Variants in CLCN5 observed in about 807,000 individuals in gnomAD.
CLCN5 encodes the protein Cl-/H+ antiporter 5, also known as H(+)/Cl(-) exchange transporter 5.
A neutral mutation model predicts 54.0 loss-of-function variants in CLCN5; 17 were observed. That is an observed-to-expected ratio of 0.31 (90% CI 0.22 to 0.47). The LOEUF is 0.47. Among genes scored for constraint, CLCN5 ranks in the 20% least tolerant of loss-of-function variants. The pLI is 1.00. For missense variants in CLCN5, 448 were observed against 646.7 expected, an observed-to-expected ratio of 0.69 and a Z score of 3.33; for synonymous variants, 222 against 233.0, an observed-to-expected ratio of 0.95 and a Z score of 0.43.
rs782438921 is a variant in CLCN5 at position 49,969,802 on chromosome X, A to G, written c.16+44488A>G. Among the ~76,000 whole-genome samples the G allele has an allele frequency of 5.4e-5, 6 of 111,974 alleles. No homozygotes were observed. The South Asian group carries it at 1.9e-3, about 35-fold the overall frequency. On this transcript the variant is annotated intron_variant, in intron 3 of 14. Transcript: ENST00000376091. ...GTCAAATTGTTTGCCAGTATTTTTTAAAGTCTTCTATATCCTGATTTTCTT... is the reference window on the plus strand; with the variant it reads ...GTCAAATTGTTTGCCAGTATTTTTTGAAGTCTTCTATATCCTGATTTTCTT...
intron 3 of CLCN5, among the ~76,000 whole-genome samples, chrX:50,011,104 G>A (rs1268351538): frequency 9.0e-6 from 1 of 111,602 alleles, no homozygotes; most frequent in African/African-American, 3.3e-5. Flanking sequence ...TCCTCACAGA[G>A]TGGTCCCTCT....
At chrX:50,056,260 G>A (rs1602094239) in intron 4 of CLCN5, among the ~76,000 whole-genome samples, 2 of 110,544 alleles carry the variant, frequency 1.8e-5, no homozygotes, top group African/African-American at 6.6e-5. Flanking sequence ...CTGGAGAATT[G>A]CTGCTTCTAA....
At chrX:50,063,374 C>G (rs782616171) in intron 4 of CLCN5, among the ~76,000 whole-genome samples, 1 of 105,918 alleles carries the variant, frequency 9.4e-6, no homozygotes, top group African/African-American at 3.7e-5. Context: ...GAGAATACTA[C>G]AAACACCTCT....
In CLCN5 at chrX:50,075,963, T is replaced by G. The variant is rs782508428; in HGVS notation, c.584T>G (p.Leu195Arg). ...KCPEWNSWSQ[L>R]IISTDEGAFA... ...CCAGAGTGGAATAGTTGGTCCCAGC[T>G]TATCATCAGCACAGATGAGGTAACA... Residue 195 changes from leucine (L) to arginine (R), a missense_variant, in exon 7 of 15, where the codon CTT becomes CGT. By Grantham distance (102) the Leu-to-Arg change is moderately radical. Transcript: ENST00000376091. The G allele has an allele frequency of 5.3e-5, 64 of 1,208,426 alleles. No individual in the cohort carries two copies. Among genetic ancestry groups the G allele is most frequent in the Non-Finnish European group, 6.2e-5 (55 of 893,325 alleles).
intron 3 of CLCN5, among the ~76,000 whole-genome samples, chrX:49,969,326 C>T (rs979145153): frequency 2.7e-5 from 3 of 112,256 alleles, no homozygotes; most frequent in South Asian, 3.7e-4. Context: ...GATCTGCCTG[C>T]CTCAGCCTCC....
chrX:50,032,515 C>T (rs1557185982), intron 3 of CLCN5, among the ~76,000 whole-genome samples: 1 of 110,060 alleles, frequency 9.1e-6, no homozygotes, highest in African/African-American at 3.4e-5. Context: ...GCATAAATGT[C>T]TTCTTTTGAG....
rs368492540 is a variant in CLCN5, at chrX:50,026,404, C to T, written c.17-15912C>T. On this transcript the variant is annotated intron_variant, in intron 3 of 14. Coordinates refer to ENST00000376091, the MANE Select transcript of CLCN5 (RefSeq NM_001127898.4). ...GATCTAGTTGATGGATGATGCTGTT[C>T]GGTTTACCTGTGTCTTTACTGATCT... Among the ~76,000 whole-genome samples, 24 of 111,403 alleles carry T rather than the reference C, an allele frequency of 2.2e-4. No homozygotes were observed. In the East Asian group the frequency reaches 3.1e-3, roughly 14 times the overall value.
chrX:50,079,434 C>G (rs933290229), intron 7 of CLCN5, among the ~76,000 whole-genome samples: 14 of 111,942 alleles, frequency 1.3e-4, no homozygotes, highest in Non-Finnish European at 7.5e-5. Context: ...AATATTTCTA[C>G]CAGCAAGCAT....
chrX:49,983,185 A>T (rs782009493), intron 3 of CLCN5, among the ~76,000 whole-genome samples: 4 of 112,059 alleles, frequency 3.6e-5, no homozygotes, highest in Non-Finnish European at 7.5e-5. Context: ...CATCTTTTGT[A>T]CAAGATGGAA....
chrX:49,974,125 A>G (rs1470151044), intron 3 of CLCN5, among the ~76,000 whole-genome samples: 1 of 112,145 alleles, frequency 8.9e-6, no homozygotes, highest in African/African-American at 3.2e-5. Flanking sequence ...ATGGATAGAC[A>G]GCATTTTGTT....
At chrX:50,090,544 T>G in intron 13 of CLCN5, 30 bp downstream of exon 13, 1 of 1,188,913 alleles carries the variant, frequency 8.4e-7, no homozygotes, top group Non-Finnish European at 1.1e-6. Context: ...GATAGTGGAA[T>G]CCACTGTGGA....
chrX:50,051,377 T>A (rs1422534731), intron 4 of CLCN5, among the ~76,000 whole-genome samples: 1 of 112,328 alleles, frequency 8.9e-6, no homozygotes, highest in Non-Finnish European at 1.9e-5. Flanking sequence ...TCTCTTCGTC[T>A]ATGCATCTTT....
chrX:50,078,978 A>G (rs1290067708), intron 7 of CLCN5, among the ~76,000 whole-genome samples: 1 of 111,101 alleles, frequency 9.0e-6, no homozygotes, highest in Non-Finnish European at 1.9e-5. Context: ...ACCCGCTACC[A>G]CGCCCGGCTA....
rs1323170329 is a variant in CLCN5 at position 49,977,493 on chromosome X, G to T, written c.16+52179G>T. 2.7e-5 allele frequency among the ~76,000 whole-genome samples: 3 copies of T among 111,263 alleles called. No individual in the cohort carries two copies. In the Admixed American group the frequency reaches 2.9e-4, roughly 11 times the overall value. ...TGACATCAAATAAGTGTCTGGAGGG[G>T]AATTCTAAACCCTGGTATGTTTCCC... On this transcript the variant is annotated intron_variant, in intron 3 of 14. Transcript: ENST00000376091.
At chrX:50,028,371 G>A (rs1557185330) in intron 3 of CLCN5, among the ~76,000 whole-genome samples, 1 of 112,107 alleles carries the variant, frequency 8.9e-6, no homozygotes, top group African/African-American at 3.2e-5. Flanking sequence ...GAACAAGAAT[G>A]TTTTAGGACT....
At chrX:49,966,589 CTTTT>C (rs1186780675) in intron 3 of CLCN5, among the ~76,000 whole-genome samples, 3 of 17,805 alleles carry the variant, frequency 1.7e-4, no homozygotes, top group Non-Finnish European at 2.4e-4. Context: ...TATCTCTGAT[CTTTT>C]TTTTTTTTTT....
chrX:49,926,532 TG>T (rs1162284015), intron 3 of CLCN5, among the ~76,000 whole-genome samples: 1 of 111,336 alleles, frequency 9.0e-6, no homozygotes, highest in Non-Finnish European at 1.9e-5. Flanking sequence ...AGTTTTGAGC[TG>T]GTCTAAAAAA....
At chrX:50,054,673 C>G (rs1262839579) in intron 4 of CLCN5, 1 of 112,119 alleles carries the variant, frequency 8.9e-6, no homozygotes, top group African/African-American at 3.2e-5. Flanking sequence ...ATAAGCTTCT[C>G]TCTTCAGATT....
chrX:49,931,348 A>G (rs1439835973), intron 3 of CLCN5, among the ~76,000 whole-genome samples: 2 of 111,959 alleles, frequency 1.8e-5, no homozygotes, highest in Non-Finnish European at 3.8e-5. Flanking sequence ...GAGAGGATAT[A>G]TGCAAAAGTA....
Sources: allele counts gnomAD v4.1 joint callset (sites outside exome capture counted in the v4.1 genomes callset), GRCh38; gene constraint gnomAD v4.1.1; transcripts MANE v1.5; gene names NCBI Gene and HGNC (gene_info 2026-07-23, HGNC 2026-07-21).